NCAM2: variants seen among roughly 807,000 people sequenced by gnomAD.
The protein encoded by NCAM2 is N-CAM-2.
In NCAM2, 30 loss-of-function variants were observed where a neutral mutation model predicts 98.1. The ratio of observed to expected loss-of-function variants is 0.31; its 90% confidence interval spans 0.23 to 0.41. The LOEUF (loss-of-function observed/expected upper bound fraction) is 0.41, where lower values mean the gene tolerates loss of function less well. NCAM2 is among the 10% of genes least tolerant of loss of function. NCAM2 has a pLI of 1.00. For missense variants in NCAM2, 867 were observed against 1,005.8 expected (o/e 0.86, Z 1.87); for synonymous variants, 368 against 342.4 (o/e 1.07, Z -0.83).
At chr21:21,026,093 A>C (rs1240551851) in intron 1 of NCAM2, among the ~76,000 whole-genome samples, 1 of 152,184 alleles carries the variant, frequency 6.6e-6, no homozygotes, top group Non-Finnish European at 1.5e-5. Flanking sequence ...GGGAAGTATC[A>C]GTGTGACGTG....
intron 17 of NCAM2, among the ~76,000 whole-genome samples, chr21:21,536,836 A>G (rs1333254557): frequency 6.6e-6 from 1 of 152,202 alleles, no homozygotes; most frequent in Admixed American, 6.5e-5. Flanking sequence ...ATTCATTGGC[A>G]TCGAAGTAGG....
At chr21:21,433,165 GT>G (rs2077381504) in intron 12 of NCAM2, among the ~76,000 whole-genome samples, 3 of 152,148 alleles carry the variant, frequency 2.0e-5, no homozygotes, top group Admixed American at 2.0e-4. Flanking sequence ...ATAACTATGG[GT>G]TTTTGATAGA....
chr21:21,259,203 T>G (rs974138315), intron 1 of NCAM2, among the ~76,000 whole-genome samples: 1 of 152,044 alleles, frequency 6.6e-6, no homozygotes, highest in South Asian at 2.1e-4. Context: ...TGTGGCAGCA[T>G]CCCAGCAACA....
At chr21:21,195,681 A>G (rs2068978745) in intron 1 of NCAM2, among the ~76,000 whole-genome samples, 1 of 152,218 alleles carries the variant, frequency 6.6e-6, no homozygotes, top group Non-Finnish European at 1.5e-5. Context: ...GATATGACTA[A>G]AAATTATTCT....
At chr21:21,157,001 G>T (rs1191911980) in intron 1 of NCAM2, among the ~76,000 whole-genome samples, 1 of 151,934 alleles carries the variant, frequency 6.6e-6, no homozygotes, top group Non-Finnish European at 1.5e-5. Flanking sequence ...TCAAGTTTCT[G>T]CACCCGCAGG....
Position 21,286,289 on chromosome 21 carries a change from G to C in NCAM2, c.358G>C (p.Val120Leu). The C allele has an allele frequency of 6.2e-7, 1 of 1,608,180 alleles. No homozygotes were observed. The highest frequency in any genetic ancestry group is 8.5e-7 in the Non-Finnish European group (1 of 1,176,728). ...EIYQKLTFRE[V>L]VSPQEFKQGE... Reference sequence around the variant, plus strand: ...TACAGAAAAACTCACTTTCAGAGAAGTGGTATCTCCACAAGAATTCAAACA... The same window carrying C: ...TACAGAAAAACTCACTTTCAGAGAACTGGTATCTCCACAAGAATTCAAACA... The change falls in exon 4 of 18, where the codon GTG becomes CTG. Residue 120 changes from valine to leucine, a missense_variant. Physicochemically the swap from Val to Leu is conservative, Grantham distance 32. Around this residue, in one of 5 missense-constraint regions of NCAM2, gnomAD observed 447 missense variants for 495.7 expected, o/e 0.90. Coordinates refer to ENST00000400546, the MANE Select transcript of NCAM2 (RefSeq NM_004540.5).
At chr21:21,243,014 A>G (rs1381862827) in intron 1 of NCAM2, among the ~76,000 whole-genome samples, 1 of 124,700 alleles carries the variant, frequency 8.0e-6, no homozygotes, top group African/African-American at 3.1e-5. Context: ...ATAAAACCAG[A>G]TGAACTTTCA....
At chr21:21,320,863 A>G (rs2074357299) in intron 5 of NCAM2, among the ~76,000 whole-genome samples, 1 of 152,244 alleles carries the variant, frequency 6.6e-6, no homozygotes, top group Non-Finnish European at 1.5e-5. Context: ...GTAATTTCTT[A>G]CTATCCATGA....
Position 21,477,455 on chromosome 21 carries a change from G to T in NCAM2, c.2061G>T (p.Lys687Asn). ...PTVYEFSMPP[K>N]PNIIKDTLFN... ...TTTATGAATTCAGCATGCCACCAAA[G>T]CCCAACATTATTAAAGGTAAGCAAA... The change falls in exon 15 of 18, where the codon AAG (lysine) becomes AAT (asparagine). Residue 687 changes from lysine (K) to asparagine (N), a missense_variant. Transcript: ENST00000400546. 1.9e-6 allele frequency: 3 copies of T among 1,598,094 alleles called. No homozygotes were observed. Among genetic ancestry groups the T allele is most frequent in the Non-Finnish European group, 2.6e-6 (3 of 1,170,458 alleles).
chr21:21,081,760 C>T (rs1601312964), intron 1 of NCAM2, among the ~76,000 whole-genome samples: 1 of 151,748 alleles, frequency 6.6e-6, no homozygotes, highest in Non-Finnish European at 1.5e-5. Context: ...GAGATCTTGC[C>T]ACTGCACTCC....
At chr21:21,498,908 C>T (rs1987436891) in intron 15 of NCAM2, among the ~76,000 whole-genome samples, 1 of 152,040 alleles carries the variant, frequency 6.6e-6, no homozygotes, top group South Asian at 2.1e-4. Context: ...GAGAATGCCT[C>T]CCAAAATCCA....
At chr21:21,242,435 A>T (rs188002979) in intron 1 of NCAM2, among the ~76,000 whole-genome samples, 144 of 152,342 alleles carry the variant, frequency 9.5e-4, no homozygotes, top group African/African-American at 3.3e-3. Context: ...GATAAAGCTT[A>T]TTCCTCATAT....
chr21:21,023,603 A>G (rs1211098789), intron 1 of NCAM2, among the ~76,000 whole-genome samples: 1 of 152,102 alleles, frequency 6.6e-6, no homozygotes, highest in East Asian at 1.9e-4. Context: ...AAACAGCTTA[A>G]TAGATGATGT....
At chr21:21,202,068 C>T (rs1345699908) in intron 1 of NCAM2, among the ~76,000 whole-genome samples, 1 of 152,124 alleles carries the variant, frequency 6.6e-6, no homozygotes, top group Non-Finnish European at 1.5e-5. Flanking sequence ...CCTTACAGGA[C>T]CTTCTTTAAA....
At chr21:21,140,389 C>G (rs1261871148) in intron 1 of NCAM2, among the ~76,000 whole-genome samples, 1 of 152,112 alleles carries the variant, frequency 6.6e-6, no homozygotes, top group African/African-American at 2.4e-5. Context: ...AGAGCAAACA[C>G]TTCCTGTAAG....
intron 1 of NCAM2, among the ~76,000 whole-genome samples, chr21:21,253,496 G>A (rs549542831): frequency 6.6e-6 from 1 of 152,160 alleles, no homozygotes; most frequent in East Asian, 1.9e-4. Flanking sequence ...GAACTGCCTT[G>A]CCCCTTCCAC....
intron 1 of NCAM2, among the ~76,000 whole-genome samples, chr21:21,222,318 T>G (rs899174784): frequency 7.2e-5 from 11 of 152,316 alleles, no homozygotes; most frequent in African/African-American, 2.2e-4. Context: ...CAAGTCTTAT[T>G]ATTAAAGCAA....
intron 12 of NCAM2, among the ~76,000 whole-genome samples, chr21:21,445,575 T>C (rs764551281): frequency 2.6e-5 from 4 of 152,178 alleles, no homozygotes; most frequent in African/African-American, 4.8e-5. Flanking sequence ...TTGATCCCTT[T>C]AGCATTATGT....
At chr21:21,032,336 A>T (rs2064702908) in intron 1 of NCAM2, among the ~76,000 whole-genome samples, 1 of 152,220 alleles carries the variant, frequency 6.6e-6, no homozygotes, top group Non-Finnish European at 1.5e-5. Context: ...TTAGCCTAAT[A>T]TATAAAATGG....
Sources: gnomAD v4.1 joint callset for allele counts (sites outside exome capture counted in the v4.1 genomes callset) on GRCh38, gnomAD v4.1.1 for gene constraint, gnomAD v4.1.1 regional missense constraint, MANE v1.5 for transcripts, NCBI Gene and HGNC (gene_info 2026-07-23, HGNC 2026-07-21) for gene names.